CYYR1: variants seen among roughly 807,000 people sequenced by gnomAD.
CYYR1 encodes cysteine and tyrosine-rich protein 1.
Under a neutral mutation model 15.2 loss-of-function variants are expected in CYYR1, and 14 were observed. That is an observed-to-expected ratio of 0.92 (90% CI 0.61 to 1.44). The LOEUF is 1.44. Ranked by LOEUF, CYYR1 falls within the 40% of genes most tolerant of loss-of-function variation. CYYR1 has a pLI of 0.00. For synonymous variants in CYYR1, 80 were observed against 77.4 expected (o/e 1.03, Z -0.18); for missense variants, 228 against 209.5 (o/e 1.09, Z -0.54).
At chr21:26,559,263 T>C (rs1221872503) in intron 2 of CYYR1, among the ~76,000 whole-genome samples, 1 of 152,224 alleles carries the variant, frequency 6.6e-6, no homozygotes, top group African/African-American at 2.4e-5. Flanking sequence ...TTCTGCTCTA[T>C]GCCTTTTTTT....
At chr21:26,474,404 G>A (rs374221079) in intron 3 of CYYR1, among the ~76,000 whole-genome samples, 8 of 136,388 alleles carry the variant, frequency 5.9e-5, no homozygotes, top group South Asian at 4.6e-4. Flanking sequence ...AGAATACACC[G>A]TGCCTTTTTT....
At chr21:26,564,775 G>A (rs1274571631) in intron 2 of CYYR1, 1 of 1,243,192 alleles carries the variant, frequency 8.0e-7, no homozygotes, top group South Asian at 1.4e-5. Flanking sequence ...GAATCAGTTT[G>A]ACTTCACATT....
chr21:26,571,412 G>A (rs957369187), intron 1 of CYYR1, among the ~76,000 whole-genome samples: 1 of 152,228 alleles, frequency 6.6e-6, no homozygotes, highest in Non-Finnish European at 1.5e-5. Flanking sequence ...GGCCAGCTTC[G>A]CTGATTTCCT....
intron 2 of CYYR1, chr21:26,518,689 C>T (rs1261931882): frequency 6.6e-6 from 1 of 152,204 alleles, no homozygotes; most frequent in Non-Finnish European, 1.5e-5. Flanking sequence ...AATCATGCTA[C>T]TTTTATTGAT....
chr21:26,530,714 T>G (rs2065920869), intron 2 of CYYR1, among the ~76,000 whole-genome samples: 1 of 152,126 alleles, frequency 6.6e-6, no homozygotes, highest in Non-Finnish European at 1.5e-5. Context: ...CAGGCAGTGT[T>G]TGGTTTTCTG....
chr21:26,563,660 T>A (rs1457774270), intron 2 of CYYR1, among the ~76,000 whole-genome samples: 1 of 152,160 alleles, frequency 6.6e-6, no homozygotes, highest in Non-Finnish European at 1.5e-5. Flanking sequence ...CTGTGACTGC[T>A]TTATAAACAA....
At chr21:26,538,381 G>T (rs1978332243) in intron 2 of CYYR1, among the ~76,000 whole-genome samples, 1 of 151,980 alleles carries the variant, frequency 6.6e-6, no homozygotes, top group African/African-American at 2.4e-5. Flanking sequence ...TTTTTTAATT[G>T]GATCTTTCTT....
At chr21:26,486,634 T>C (rs138330145) in intron 2 of CYYR1, among the ~76,000 whole-genome samples, 1 of 152,170 alleles carries the variant, frequency 6.6e-6, no homozygotes, top group Non-Finnish European at 1.5e-5. Flanking sequence ...TTTTTCTTTT[T>C]TTGCAAAATG....
intron 2 of CYYR1, among the ~76,000 whole-genome samples, chr21:26,545,902 T>C (rs1382516718): frequency 6.6e-6 from 1 of 152,176 alleles, no homozygotes; most frequent in Admixed American, 6.6e-5. Context: ...TACCCACTTC[T>C]CAATAATTGA....
rs2065157467 is a variant in CYYR1 at position 26,480,293 on chromosome 21, T to C, written c.313A>G (p.Asn105Asp). 1 of 1,612,550 alleles carries C rather than the reference T, an allele frequency of 6.2e-7. No individual in the cohort carries two copies. Among genetic ancestry groups the C allele is most frequent in the Admixed American group, 1.7e-5 (1 of 59,750 alleles). Residue 105 changes from asparagine (N) to aspartate (D), a missense_variant, in exon 3 of 4, where the codon AAC becomes GAC. Transcript: ENST00000652641. ...TCACCAGGATAGGAGGAGACGGTGT[T>C]GATGTGAGTCGTCCTGAGGATGCCC... ...RVGILRTTHI[N>D]TVSSYPAGPP...
At chr21:26,494,503 C>T (rs973057590) in intron 2 of CYYR1, among the ~76,000 whole-genome samples, 3 of 151,974 alleles carry the variant, frequency 2.0e-5, no homozygotes, top group South Asian at 2.1e-4. Flanking sequence ...ACTGCATGTA[C>T]TCATTCATAT....
intron 2 of CYYR1, chr21:26,503,480 T>C (rs2065510291): frequency 1.3e-5 from 2 of 152,176 alleles, no homozygotes; most frequent in African/African-American, 4.8e-5. Context: ...AAAATTTTCC[T>C]TTGAAATCCT....
At position 26,469,074 on chromosome 21, in the gene CYYR1, G is replaced by A. The variant is rs570177850; in HGVS notation, c.335-440C>T. Among the ~76,000 whole-genome samples, 129 of 152,256 alleles carry A rather than the reference G, an allele frequency of 8.5e-4. 1 individual carries two copies. Among genetic ancestry groups the A allele is most frequent in the African/African-American group, 2.9e-3 (119 of 41,518 alleles). On this transcript the variant is annotated intron_variant, in intron 3 of 3. Transcript: ENST00000652641. ...TCAGAGATTCTTTGAACATGGTAGT[G>A]AATATGCTTTGAGAAAACCACTCTC... is the stretch of plus-strand genomic sequence containing the variant.
chr21:26,532,955 A>G (rs1370465151), intron 2 of CYYR1, among the ~76,000 whole-genome samples: 1 of 152,050 alleles, frequency 6.6e-6, no homozygotes, highest in Admixed American at 6.6e-5. Flanking sequence ...AACATAAACA[A>G]ATTTTGTGTT....
At chr21:26,542,072 A>C (rs1199782903) in intron 2 of CYYR1, among the ~76,000 whole-genome samples, 1 of 152,152 alleles carries the variant, frequency 6.6e-6, no homozygotes, top group African/African-American at 2.4e-5. Context: ...AAAGGCAGAG[A>C]TTGTCAGAAT....
intron 3 of CYYR1, chr21:26,470,475 T>G (rs2065020737): frequency 6.6e-6 from 1 of 152,142 alleles, no homozygotes; most frequent in East Asian, 1.9e-4. Flanking sequence ...CCCCTTGCTG[T>G]TCTCATGAAG....
chr21:26,466,508 G>A lies in CYYR1; in HGVS notation c.*1993C>T, dbSNP rs1275599857. On this transcript the variant is annotated 3_prime_UTR_variant, in exon 4 of 4. Coordinates refer to ENST00000652641, the MANE Select transcript of CYYR1 (RefSeq NM_001320768.2). The stretch of plus-strand genomic sequence containing the variant: ...AAACAACTCAAAGAAGAGATGGTGT[G>A]GACTGAACTGGCTTCTATTTGGGGA... 1 of 152,128 alleles carries A rather than the reference G, an allele frequency of 6.6e-6. No homozygotes were observed. The highest frequency in any genetic ancestry group is 1.5e-5 in the Non-Finnish European group (1 of 68,018). 9.4% of individuals were successfully genotyped at this position (152,128 alleles called of 1,614,324 possible).
intron 1 of CYYR1, among the ~76,000 whole-genome samples, chr21:26,566,814 G>C (rs1485825398): frequency 6.6e-6 from 1 of 152,094 alleles, no homozygotes; most frequent in African/African-American, 2.4e-5. Context: ...TCTGAGACCA[G>C]CCTGGCCAAC....
At position 26,567,012 on chromosome 21, in the gene CYYR1, A is replaced by G. The variant is rs1179717315; in HGVS notation, c.74-644T>C. Among the ~76,000 whole-genome samples, 3 of 29,516 alleles carry G rather than the reference A, an allele frequency of 1.0e-4. No individual in the cohort carries two copies. In the East Asian group the frequency reaches 7.2e-3, roughly 71 times the overall value. The allele number at this position is 29,516 out of a possible 152,430, so 19.4% of individuals were successfully genotyped here. On this transcript the variant is annotated intron_variant, in intron 1 of 3. Transcript: ENST00000652641. Reference sequence around the variant, plus strand: ...CGACACAGTGAGGCTCTGTCTCAAAAAAAAAAAAAAAAAAAAGAGTCTTCT... The same window carrying G: ...CGACACAGTGAGGCTCTGTCTCAAAGAAAAAAAAAAAAAAAAGAGTCTTCT...
Sources: gnomAD v4.1 joint callset for allele counts (sites outside exome capture counted in the v4.1 genomes callset) on GRCh38, gnomAD v4.1.1 for gene constraint, MANE v1.5 for transcripts, NCBI Gene and HGNC (gene_info 2026-07-23, HGNC 2026-07-21) for gene names.